LAMC3: variants seen among roughly 807,000 people sequenced by gnomAD.
LAMC3 encodes the protein laminin subunit gamma 3.
A neutral mutation model predicts 173.8 loss-of-function variants in LAMC3; 128 were observed. The observed-to-expected ratio is 0.74, with a 90% confidence interval of 0.64 to 0.85. LAMC3 has a LOEUF of 0.85. Ranked by LOEUF, LAMC3 falls within the 40% of genes least tolerant of loss-of-function variation. LAMC3 has a pLI of 0.00. For missense variants in LAMC3, 2,022 were observed against 2,156.0 expected, an observed-to-expected ratio of 0.94 and a Z score of 1.23; for synonymous variants, 897 against 909.1, an observed-to-expected ratio of 0.99 and a Z score of 0.24.
At chr9:131,065,052 A>AAAAAG (rs1283231188) in intron 13 of LAMC3, among the ~76,000 whole-genome samples, 1 of 138,258 alleles carries the variant, frequency 7.2e-6, no homozygotes, top group African/African-American at 2.6e-5. Flanking sequence ...AAAAAAAAAA[A>AAAAAG]AAAAAAAGAA....
chr9:131,010,934 T>C (rs1833405639), intron 1 of LAMC3, among the ~76,000 whole-genome samples: 1 of 152,230 alleles, frequency 6.6e-6, no homozygotes, highest in African/African-American at 2.4e-5. Flanking sequence ...CCAAGTGTCT[T>C]TCCTGTTGCA....
chr9:131,015,083 A>G (rs976970860), intron 1 of LAMC3, among the ~76,000 whole-genome samples: 2 of 152,318 alleles, frequency 1.3e-5, no homozygotes, highest in Admixed American at 1.3e-4. Flanking sequence ...CTATTTTGCA[A>G]ATGGGGAAAC....
In LAMC3 at chr9:131,023,405, G is replaced by A. The variant is rs74570497; in HGVS notation, c.374-2880G>A. 6.6e-3 allele frequency among the ~76,000 whole-genome samples: 1,007 copies of A among 152,200 alleles called. 30 individuals carry two copies. The East Asian group carries it at 0.08, about 12-fold the overall frequency. On this transcript the variant is annotated intron_variant, in intron 1 of 27. Coordinates refer to ENST00000361069, the MANE Select transcript of LAMC3 (RefSeq NM_006059.4). ...TTTTACATTCCCATCAGCAGTCTAT[G>A]AGGGTTCCAATCCCCCAACTTCCTC...
intron 24 of LAMC3, among the ~76,000 whole-genome samples, chr9:131,082,768 C>A (rs929903268): frequency 3.3e-5 from 5 of 152,222 alleles, no homozygotes; most frequent in African/African-American, 1.2e-4. Flanking sequence ...TTGTTTGTGG[C>A]TCCTTATCCA....
chr9:131,064,668 A>AC, intron 13 of LAMC3, among the ~76,000 whole-genome samples: 1 of 60,166 alleles, frequency 1.7e-5, no homozygotes, highest in Non-Finnish European at 3.6e-5. Flanking sequence ...CGTCTCCAAA[A>AC]AAAAAAAAAA....
intron 9 of LAMC3, among the ~76,000 whole-genome samples, chr9:131,049,953 C>T (rs914583408): frequency 6.6e-6 from 1 of 152,234 alleles, no homozygotes; most frequent in Non-Finnish European, 1.5e-5. Flanking sequence ...CCTGCCAGCA[C>T]CCCCGACCAG....
At chr9:131,077,442 C>A in intron 22 of LAMC3, 108 bp downstream of exon 22, 3 of 1,410,914 alleles carry the variant, frequency 2.1e-6, no homozygotes, top group African/African-American at 2.8e-5. Context: ...TTTGGGAGGC[C>A]GAGGCGGGTG....
intron 13 of LAMC3, 98 bp downstream of exon 13, chr9:131,061,321 G>A: frequency 9.5e-7 from 1 of 1,049,128 alleles, no homozygotes; most frequent in Non-Finnish European, 1.4e-6. Context: ...TGGGTTTAGG[G>A]TGTGGCAGGT....
At chr9:131,035,362 A>G (rs1165240193) in intron 3 of LAMC3, among the ~76,000 whole-genome samples, 3 of 151,036 alleles carry the variant, frequency 2.0e-5, no homozygotes, top group Non-Finnish European at 3.0e-5. Context: ...ACTTACAATC[A>G]TGGCGGAAAG....
Position 131,085,725 on chromosome 9 carries a change from T to C in LAMC3, c.4230+2T>C. 6.2e-7 allele frequency: 1 copy of C among 1,614,042 alleles called. No homozygotes were observed. Among genetic ancestry groups the C allele is most frequent in the Non-Finnish European group, 8.5e-7 (1 of 1,179,970 alleles). On this transcript the variant is annotated splice_donor_variant, in intron 25 of 27. Coordinates refer to ENST00000361069, the MANE Select transcript of LAMC3 (RefSeq NM_006059.4). LOFTEE classifies it high-confidence loss of function. ...GTGTTGGCCAAGGACAGTGCCAAGG[T>C]CAGGGTGGTGGCTGTGACAACAGTG...
chr9:131,013,648 G>A lies in LAMC3; in HGVS notation c.373+4061G>A, dbSNP rs574438164. Among the ~76,000 whole-genome samples, 7 of 152,296 alleles carry A rather than the reference G, an allele frequency of 4.6e-5. No individual in the cohort carries two copies. In the South Asian group the frequency reaches 6.2e-4, roughly 14 times the overall value. On this transcript the variant is annotated intron_variant, in intron 1 of 27. Coordinates refer to ENST00000361069, the MANE Select transcript of LAMC3 (RefSeq NM_006059.4). Reference sequence around the variant, plus strand: ...GTATGCTCAGAACATGCACTGGTGCGCACGAGCCTCATCTCTAGGGTCAGG... The same window carrying A: ...GTATGCTCAGAACATGCACTGGTGCACACGAGCCTCATCTCTAGGGTCAGG...
chr9:131,043,190 C>T (rs559173164), intron 7 of LAMC3, among the ~76,000 whole-genome samples: 1 of 152,340 alleles, frequency 6.6e-6, no homozygotes, highest in South Asian at 2.1e-4. Context: ...TGAAGCTCTG[C>T]AAGTCAAAGG....
At chr9:131,032,821 A>T (rs2133239274) in intron 3 of LAMC3, among the ~76,000 whole-genome samples, 1 of 152,296 alleles carries the variant, frequency 6.6e-6, no homozygotes, top group South Asian at 2.1e-4. Flanking sequence ...GGCATGCGCC[A>T]CCACGCCCGG....
intron 7 of LAMC3, among the ~76,000 whole-genome samples, chr9:131,044,604 T>C (rs1466395214): frequency 6.6e-6 from 1 of 152,174 alleles, no homozygotes; most frequent in Non-Finnish European, 1.5e-5. Flanking sequence ...GTGGAGAGAC[T>C]GGTAGACAGC....
Position 131,069,068 on chromosome 9 carries a change from T to TTCCC in LAMC3, c.2890+19_2890+22dup. The TTCCC allele has an allele frequency of 6.2e-7, 1 of 1,612,726 alleles. No individual in the cohort carries two copies. Among genetic ancestry groups the TTCCC allele is most frequent in the Non-Finnish European group, 8.5e-7 (1 of 1,179,758 alleles). ...CTGCCGGGGTAAGGAGGCTGGGTCCTTCCCGGGCTGCCCTGAGGGTGGGGC... is the reference window on the plus strand; with the variant it reads ...CTGCCGGGGTAAGGAGGCTGGGTCCTTCCCTCCCGGGCTGCCCTGAGGGTGGGGC... On this transcript the variant is annotated intron_variant, in intron 16 of 27. Coordinates refer to ENST00000361069, the MANE Select transcript of LAMC3 (RefSeq NM_006059.4).
chr9:131,039,307 G>C, intron 6 of LAMC3, 59 bp downstream of exon 6: 1 of 1,428,746 alleles, frequency 7.0e-7, no homozygotes, highest in Non-Finnish European at 9.8e-7. Flanking sequence ...GAAGCAGGAG[G>C]AACAGGCTGT....
intron 7 of LAMC3, 61 bp downstream of exon 7, chr9:131,041,796 C>T: frequency 3.4e-6 from 5 of 1,458,866 alleles, no homozygotes; most frequent in Non-Finnish European, 4.7e-6. Flanking sequence ...ACTGATGAGG[C>T]ACCAAAGCTG....
At chr9:131,051,140 A>G (rs1389812202) in intron 9 of LAMC3, among the ~76,000 whole-genome samples, 1 of 152,112 alleles carries the variant, frequency 6.6e-6, no homozygotes, top group Non-Finnish European at 1.5e-5. Flanking sequence ...CGCGCTACAG[A>G]ATTTGAGGGA....
intron 11 of LAMC3, among the ~76,000 whole-genome samples, chr9:131,053,775 G>C (rs1834343371): frequency 6.6e-6 from 1 of 151,644 alleles, no homozygotes; most frequent in South Asian, 2.1e-4. Flanking sequence ...GGAGGTTGTA[G>C]TGAGCCAAGA....
Sources: allele counts gnomAD v4.1 joint callset (sites outside exome capture counted in the v4.1 genomes callset), GRCh38; gene constraint gnomAD v4.1.1; transcripts MANE v1.5; gene names NCBI Gene and HGNC (gene_info 2026-07-23, HGNC 2026-07-21).